Variants in LRGUK observed in about 807,000 individuals in gnomAD.
LRGUK encodes leucine rich repeats and guanylate kinase domain containing, also known as leucine-rich repeat and guanylate kinase domain-containing protein.
In LRGUK, 65 loss-of-function variants were observed where a neutral mutation model predicts 76.0. That is an observed-to-expected ratio of 0.85 (90% confidence interval 0.70 to 1.05). LRGUK has a LOEUF of 1.05. Ranked by LOEUF, LRGUK falls within the 50% of genes least tolerant of loss-of-function variation. LRGUK has a pLI of 0.00. For missense variants in LRGUK, 758 were observed against 732.8 expected (o/e 1.03, Z -0.40); for synonymous variants, 268 against 265.6 (o/e 1.01, Z -0.09).
At chr7:134,251,370 G>A (rs974850257) in intron 18 of LRGUK, among the ~76,000 whole-genome samples, 7 of 152,136 alleles carry the variant, frequency 4.6e-5, no homozygotes, top group Non-Finnish European at 7.3e-5. Context: ...GCAAACCACC[G>A]GAAGTGATGA....
At chr7:134,190,891 G>T (rs1800192808) in intron 11 of LRGUK, among the ~76,000 whole-genome samples, 1 of 148,124 alleles carries the variant, frequency 6.8e-6, no homozygotes, top group Non-Finnish European at 1.5e-5. Flanking sequence ...GCAGTTCTGG[G>T]GATAGACAGT....
At chr7:134,176,696 A>G (rs1451244904) in intron 8 of LRGUK, among the ~76,000 whole-genome samples, 2 of 152,134 alleles carry the variant, frequency 1.3e-5, no homozygotes, top group African/African-American at 4.8e-5. Context: ...ATTAAATTTT[A>G]AAAAAAGAAA....
At chr7:134,155,654 AAT>A (rs1798421516) in intron 5 of LRGUK, among the ~76,000 whole-genome samples, 1 of 152,202 alleles carries the variant, frequency 6.6e-6, no homozygotes. Context: ...CATGTAATAT[AAT>A]TTGGTAATGG....
chr7:134,223,992 C>T (rs978228194), intron 16 of LRGUK, among the ~76,000 whole-genome samples: 1 of 152,146 alleles, frequency 6.6e-6, no homozygotes, highest in Non-Finnish European at 1.5e-5. Flanking sequence ...TAGAAGTCAA[C>T]AGGTAAGGCT....
At chr7:134,255,046 T>C (rs1200591105) in intron 18 of LRGUK, among the ~76,000 whole-genome samples, 1 of 152,190 alleles carries the variant, frequency 6.6e-6, no homozygotes, top group African/African-American at 2.4e-5. Context: ...AAGCAATTAG[T>C]GAACTTTATT....
chr7:134,143,799 C>T (rs1797865027), intron 4 of LRGUK, among the ~76,000 whole-genome samples: 5 of 152,202 alleles, frequency 3.3e-5, no homozygotes, highest in Admixed American at 3.3e-4. Flanking sequence ...AGCAGTGAGT[C>T]TGTTGCTTAA....
At chr7:134,270,669 T>C in the LRGUK span, among the ~76,000 whole-genome samples, 1 of 152,120 alleles carries the variant, frequency 6.6e-6, no homozygotes, top group Admixed American at 6.5e-5. Flanking sequence ...TTCTCAACAT[T>C]ATGTTTGTAA....
chr7:134,144,938 T>C (rs7796327), intron 4 of LRGUK, among the ~76,000 whole-genome samples: 19,694 of 152,084 alleles, frequency 0.13, 1,614 homozygotes, highest in East Asian at 0.32. Flanking sequence ...ATTCGCCTTG[T>C]CTGAAGCCAC....
At chr7:134,275,897 G>T in the LRGUK span, among the ~76,000 whole-genome samples, 2 of 152,218 alleles carry the variant, frequency 1.3e-5, no homozygotes, top group African/African-American at 2.4e-5. Context: ...GGATATTGGG[G>T]CAAAAAGAAA....
chr7:134,263,403 CTG>C (rs6150361), intron 19 of LRGUK, among the ~76,000 whole-genome samples: 1 of 142,148 alleles, frequency 7.0e-6, no homozygotes, highest in Non-Finnish European at 1.5e-5. Flanking sequence ...CTTCACTTCA[CTG>C]TGTGTGTGTG....
intron 18 of LRGUK, among the ~76,000 whole-genome samples, chr7:134,257,549 T>C (rs1191766210): frequency 2.6e-5 from 4 of 152,160 alleles, no homozygotes; most frequent in Non-Finnish European, 4.4e-5. Flanking sequence ...CTTACACTTG[T>C]AATCCCAGTA....
intron 1 of LRGUK, among the ~76,000 whole-genome samples, chr7:134,130,114 G>A (rs905634129): frequency 2.6e-5 from 4 of 151,764 alleles, no homozygotes; most frequent in African/African-American, 9.7e-5. Context: ...TTCTACATGA[G>A]CTAGTTCCCA....
intron 4 of LRGUK, among the ~76,000 whole-genome samples, chr7:134,147,135 G>A (rs1022058677): frequency 6.6e-6 from 1 of 152,086 alleles, no homozygotes; most frequent in Non-Finnish European, 1.5e-5. Flanking sequence ...AGACTAGGCC[G>A]GGCGCAGTGG....
chr7:134,237,053 T>A (rs1297936321), intron 16 of LRGUK, among the ~76,000 whole-genome samples: 1 of 131,946 alleles, frequency 7.6e-6, no homozygotes, highest in Non-Finnish European at 1.6e-5. Flanking sequence ...TCTCTTTCTT[T>A]TTTTTTTTTT....
At chr7:134,225,972 T>A (rs560333155) in intron 16 of LRGUK, among the ~76,000 whole-genome samples, 2 of 152,318 alleles carry the variant, frequency 1.3e-5, no homozygotes, top group East Asian at 3.9e-4. Flanking sequence ...AAGAAGAAGT[T>A]GTTGTTTTTT....
chr7:134,179,620 T>C (rs1799652371), intron 10 of LRGUK, among the ~76,000 whole-genome samples: 1 of 152,252 alleles, frequency 6.6e-6, no homozygotes, highest in Admixed American at 6.5e-5. Context: ...CCTCATTGTA[T>C]TTCTATTCTA....
At chr7:134,245,268 G>A (rs1347312419) in intron 16 of LRGUK, among the ~76,000 whole-genome samples, 1 of 152,056 alleles carries the variant, frequency 6.6e-6, no homozygotes, top group East Asian at 1.9e-4. Flanking sequence ...TACTGGAATG[G>A]GAACAACCCC....
At chr7:134,225,125 GAAAAAAA>G (rs769671717) in intron 16 of LRGUK, among the ~76,000 whole-genome samples, 2 of 60,902 alleles carry the variant, frequency 3.3e-5, no homozygotes, top group Non-Finnish European at 3.2e-5. Flanking sequence ...AACAGAACTG[GAAAAAAA>G]AAAAAAAAAA....
rs146922831 is a variant in LRGUK, at chr7:134,201,557, G to T, written c.1824G>T (p.Lys608Asn). The change falls in exon 15 of 16, where the codon AAG becomes AAT. Residue 608 changes from lysine (K) to asparagine (N), a missense_variant. Transcript: ENST00000645682. ...TTGGATTGACTGAGGAACCTGCCAA[G>T]AGTTTGGCTACAACTGCAGGTACTA... The T allele has an allele frequency of 3.3e-5, 53 of 1,613,404 alleles. No individual in the cohort carries two copies. The African/African-American group carries it at 6.5e-4, about 20-fold the overall frequency.
Sources: gnomAD v4.1 joint callset for allele counts (sites outside exome capture counted in the v4.1 genomes callset) on GRCh38, gnomAD v4.1.1 for gene constraint, MANE v1.5 for transcripts, NCBI Gene and HGNC (gene_info 2026-07-23, HGNC 2026-07-21) for gene names.